EXOC6B: variants seen among roughly 807,000 people sequenced by gnomAD.
EXOC6B encodes SEC15 homolog B.
Under a neutral mutation model 113.5 loss-of-function variants are expected in EXOC6B, and 54 were observed. The observed-to-expected ratio is 0.48, with a 90% CI of 0.38 to 0.60. The LOEUF is 0.60. Ranked by LOEUF, EXOC6B falls within the 20% of genes least tolerant of loss-of-function variation. The pLI is 0.00. For missense variants in EXOC6B, 797 were observed against 977.5 expected (o/e 0.82, Z 2.46); for synonymous variants, 357 against 339.0 (o/e 1.05, Z -0.58).
chr2:72,557,335 G>A (rs1703615560), intron 8 of EXOC6B, among the ~76,000 whole-genome samples: 1 of 128,152 alleles, frequency 7.8e-6, no homozygotes. Flanking sequence ...GAGTGTCACA[G>A]TCTAAGATGT....
At chr2:72,749,718 G>A (rs116779664) in intron 1 of EXOC6B, among the ~76,000 whole-genome samples, 2,467 of 151,620 alleles carry the variant, frequency 0.016, 84 homozygotes, top group African/African-American at 0.057. Flanking sequence ...GGAACACTTC[G>A]GTCTCCACAC....
intron 20 of EXOC6B, among the ~76,000 whole-genome samples, chr2:72,237,676 C>T (rs1266920015): frequency 1.3e-5 from 2 of 152,110 alleles, no homozygotes; most frequent in Admixed American, 6.6e-5. Flanking sequence ...ATTGCCAGTT[C>T]GTGTCGGACT....
chr2:72,460,511 G>GA (rs1256634357), intron 18 of EXOC6B, among the ~76,000 whole-genome samples: 1 of 151,588 alleles, frequency 6.6e-6, no homozygotes, highest in African/African-American at 2.4e-5. Context: ...AAATTTACAA[G>GA]AAAAAAACAA....
intron 20 of EXOC6B, among the ~76,000 whole-genome samples, chr2:72,298,538 C>T (rs1354326781): frequency 6.6e-6 from 1 of 152,122 alleles, no homozygotes; most frequent in Non-Finnish European, 1.5e-5. Flanking sequence ...ATGATGCCAG[C>T]TGGTTATTTT....
intron 6 of EXOC6B, among the ~76,000 whole-genome samples, chr2:72,643,596 C>T (rs1275658911): frequency 3.1e-5 from 4 of 127,200 alleles, no homozygotes; most frequent in African/African-American, 1.2e-4. Context: ...GGGAACATCA[C>T]ACTCTGGGGA....
At chr2:72,416,510 AACACAG>A (rs1694533388) in intron 18 of EXOC6B, among the ~76,000 whole-genome samples, 1 of 152,216 alleles carries the variant, frequency 6.6e-6, no homozygotes, top group Admixed American at 6.5e-5. Context: ...ACAAATGGGA[AACACAG>A]CAGCCACTTA....
chr2:72,228,206 C>T (rs1165887953), intron 20 of EXOC6B, among the ~76,000 whole-genome samples: 4 of 151,970 alleles, frequency 2.6e-5, no homozygotes, highest in East Asian at 1.9e-4. Flanking sequence ...TGATAATGCA[C>T]CTTATGTCCA....
At chr2:72,186,721 C>T (rs1393608108) in intron 20 of EXOC6B, among the ~76,000 whole-genome samples, 1 of 152,092 alleles carries the variant, frequency 6.6e-6, no homozygotes, top group Admixed American at 6.5e-5. Context: ...TAAATGAATT[C>T]CTAATTTCTG....
intron 1 of EXOC6B, among the ~76,000 whole-genome samples, chr2:72,779,683 A>G (rs1683915069): frequency 6.6e-6 from 1 of 152,204 alleles, no homozygotes; most frequent in African/African-American, 2.4e-5. Flanking sequence ...GTTTGGGCCA[A>G]GCATAACATC....
At chr2:72,275,219 A>G (rs1018401324) in intron 20 of EXOC6B, among the ~76,000 whole-genome samples, 1 of 152,170 alleles carries the variant, frequency 6.6e-6, no homozygotes, top group Non-Finnish European at 1.5e-5. Context: ...AGATACATTC[A>G]TTCTACACCA....
chr2:72,434,456 G>A lies in EXOC6B; in HGVS notation c.1980+30704C>T, dbSNP rs185618729. ...GGGAGGAGTCCCTCTTTTACTATTG[G>A]TTGGAATAGTTTCAGAAGGAATGAT... On this transcript the variant is annotated intron_variant, in intron 18 of 21. Coordinates refer to ENST00000272427, the MANE Select transcript of EXOC6B (RefSeq NM_015189.3). 5.9e-4 allele frequency among the ~76,000 whole-genome samples: 90 copies of A among 152,232 alleles called. 2 individuals carry two copies. In the East Asian group the frequency reaches 0.015, roughly 25 times the overall value.
intron 16 of EXOC6B, among the ~76,000 whole-genome samples, chr2:72,486,843 C>T (rs1361023741): frequency 6.6e-6 from 1 of 151,594 alleles, no homozygotes; most frequent in Non-Finnish European, 1.5e-5. Flanking sequence ...AAATAACAGA[C>T]TGTTATCTGT....
chr2:72,685,288 TA>T (rs751272542), intron 6 of EXOC6B, among the ~76,000 whole-genome samples: 5 of 152,204 alleles, frequency 3.3e-5, no homozygotes, highest in Non-Finnish European at 5.9e-5. Context: ...CAAGTCAAAT[TA>T]CTTTTTGCTC....
intron 8 of EXOC6B, among the ~76,000 whole-genome samples, chr2:72,516,613 TAA>T (rs1558753986): frequency 6.6e-6 from 1 of 152,192 alleles, no homozygotes; most frequent in Non-Finnish European, 1.5e-5. Flanking sequence ...ATACCAGTGG[TAA>T]AGAGAACTGA....
At chr2:72,504,026 C>T (rs1030430463) in intron 11 of EXOC6B, among the ~76,000 whole-genome samples, 4 of 152,058 alleles carry the variant, frequency 2.6e-5, no homozygotes, top group East Asian at 1.9e-4. Flanking sequence ...TCCCACTTCA[C>T]GCTCTAGAGT....
At chr2:72,227,539 C>T (rs921709225) in intron 20 of EXOC6B, among the ~76,000 whole-genome samples, 6 of 152,148 alleles carry the variant, frequency 3.9e-5, no homozygotes, top group Admixed American at 2.0e-4. Context: ...CTTTCAGTAA[C>T]GGATAAAAGA....
At chr2:72,420,577 T>A (rs1694814621) in intron 18 of EXOC6B, among the ~76,000 whole-genome samples, 1 of 152,216 alleles carries the variant, frequency 6.6e-6, no homozygotes, top group Non-Finnish European at 1.5e-5. Flanking sequence ...TCATCCTTTT[T>A]TATGGCTGCA....
At chr2:72,299,384 A>G (rs1686355933) in intron 20 of EXOC6B, among the ~76,000 whole-genome samples, 1 of 151,700 alleles carries the variant, frequency 6.6e-6, no homozygotes, top group Non-Finnish European at 1.5e-5. Context: ...TAGCATCTAG[A>G]TGAATTCTAG....
At chr2:72,487,553 G>C (rs1699498224) in intron 16 of EXOC6B, among the ~76,000 whole-genome samples, 1 of 152,090 alleles carries the variant, frequency 6.6e-6, no homozygotes, top group African/African-American at 2.4e-5. Context: ...TAGAGACGGG[G>C]TTTCGCCATG....
Sources: gnomAD v4.1 joint callset for allele counts (sites outside exome capture counted in the v4.1 genomes callset) on GRCh38, gnomAD v4.1.1 for gene constraint, MANE v1.5 for transcripts, NCBI Gene and HGNC (gene_info 2026-07-23, HGNC 2026-07-21) for gene names.